The following SCUBE1 variants were observed in gnomAD, a reference collection of about 807,000 sequenced individuals.
The protein encoded by SCUBE1 is signal peptide, CUB domain and EGF like domain containing 1.
A neutral mutation model predicts 124.4 loss-of-function variants in SCUBE1; 59 were observed. The ratio of observed to expected loss-of-function variants is 0.47; its 90% CI spans 0.38 to 0.59. SCUBE1 has a LOEUF of 0.59. Among genes scored for constraint, SCUBE1 ranks in the 20% least tolerant of loss-of-function variants. SCUBE1 has a pLI of 0.00. For missense variants in SCUBE1, 1,150 were observed against 1,371.2 expected, an observed-to-expected ratio of 0.84 and a Z score of 2.55; for synonymous variants, 545 against 550.9, an observed-to-expected ratio of 0.99 and a Z score of 0.15.
In SCUBE1 at chr22:43,198,352, G is replaced by A. The variant is rs1601785054; in HGVS notation, c.*5645C>T. The A allele has an allele frequency of 2.8e-6, 1 of 361,598 alleles. No individual in the cohort carries two copies. The highest frequency in any genetic ancestry group is 7.4e-5 in the East Asian group (1 of 13,532). The allele number at this position is 361,598 out of a possible 1,614,324, so 22.4% of individuals were successfully genotyped here. On this transcript the variant is annotated 3_prime_UTR_variant, in exon 22 of 22. Transcript: ENST00000360835. ...GGCCATCGCAGCAGATGCTGGGAGG[G>A]CACGCAGGCCATGCCTGTGTTGTCT... is the stretch of plus-strand genomic sequence containing the variant.
chr22:43,300,085 A>G (rs556768195), intron 3 of SCUBE1, among the ~76,000 whole-genome samples: 2 of 152,080 alleles, frequency 1.3e-5, no homozygotes, highest in African/African-American at 2.4e-5. Flanking sequence ...GCTGCTGAAC[A>G]CTGTGTGTAA....
intron 3 of SCUBE1, among the ~76,000 whole-genome samples, chr22:43,303,932 C>T (rs1383942139): frequency 6.6e-6 from 1 of 152,224 alleles, no homozygotes; most frequent in South Asian, 2.1e-4. Flanking sequence ...GCCTTCAGTG[C>T]TGTGGCTTGG....
chr22:43,335,301 G>A (rs1927027752), intron 2 of SCUBE1, among the ~76,000 whole-genome samples: 1 of 152,152 alleles, frequency 6.6e-6, no homozygotes, highest in African/African-American at 2.4e-5. Context: ...GGGGGTATGA[G>A]GTATATATGT....
intron 4 of SCUBE1, chr22:43,281,887 C>T (rs1010936293): frequency 6.6e-5 from 10 of 152,584 alleles, no homozygotes; most frequent in African/African-American, 1.4e-4. Flanking sequence ...CTCTGAGTTC[C>T]GCCAGCTTTG....
At chr22:43,226,212 G>C (rs765937780) in intron 10 of SCUBE1, among the ~76,000 whole-genome samples, 6 of 152,244 alleles carry the variant, frequency 3.9e-5, no homozygotes, top group Non-Finnish European at 7.3e-5. Flanking sequence ...AGTGAGGAGA[G>C]AGAGATGGAC....
chr22:43,216,646 G>A (rs1427742407), intron 15 of SCUBE1, among the ~76,000 whole-genome samples: 35 of 151,898 alleles, frequency 2.3e-4, no homozygotes, highest in Admixed American at 2.3e-3. Context: ...GCGAGACTCT[G>A]TCTCAAAAAT....
chr22:43,339,650 C>T lies in SCUBE1; in HGVS notation c.89-415G>A, dbSNP rs1210475696. 1.1e-3 allele frequency among the ~76,000 whole-genome samples: 96 copies of T among 84,958 alleles called. 1 individual carries two copies. Among genetic ancestry groups the T allele is most frequent in the African/African-American group, 4.6e-3 (80 of 17,256 alleles). The allele number at this position is 84,958 out of a possible 152,430, so 55.7% of individuals were successfully genotyped here. The stretch of plus-strand genomic sequence containing the variant: ...CCTTACTCTATCCCCCCACAAGCAT[C>T]ACTCCAGCCCTCCCCCATTCTCCTC... On this transcript the variant is annotated intron_variant, in intron 1 of 21. Transcript: ENST00000360835.
chr22:43,229,036 CG>C (rs749220738), intron 9 of SCUBE1, 35 bp downstream of exon 9: 28 of 1,499,330 alleles, frequency 1.9e-5, no homozygotes, highest in Non-Finnish European at 1.8e-5. Context: ...GCGCGTGCCT[CG>C]GGGGGGAGGT....
chr22:43,217,028 A>C (rs995415501), intron 15 of SCUBE1, among the ~76,000 whole-genome samples: 22 of 12,860 alleles, frequency 1.7e-3, no homozygotes, highest in Non-Finnish European at 1.8e-3. Flanking sequence ...CAGCTTCCCC[A>C]CCCCGCCAGG....
chr22:43,259,015 C>T (rs1217855720), intron 5 of SCUBE1, among the ~76,000 whole-genome samples: 2 of 152,220 alleles, frequency 1.3e-5, no homozygotes, highest in Non-Finnish European at 2.9e-5. Context: ...ATGCCTGTGG[C>T]CTGGAGGATC....
rs530932210 is a variant in SCUBE1 at position 43,269,339 on chromosome 22, T to G, written c.485-6494A>C. On this transcript the variant is annotated intron_variant, in intron 4 of 21. Coordinates refer to ENST00000360835, the MANE Select transcript of SCUBE1 (RefSeq NM_173050.5). ...GTGTGCGCAGAGAGAAACGATGGCA[T>G]GGTCTGCCTGGCCCCGAGCCAGTGC... Among the ~76,000 whole-genome samples the G allele has an allele frequency of 2.6e-5, 4 of 152,256 alleles. No homozygotes were observed. In the South Asian group the frequency reaches 8.3e-4, roughly 32 times the overall value.
chr22:43,236,513 G>T (rs1922768313), intron 7 of SCUBE1, among the ~76,000 whole-genome samples: 1 of 152,194 alleles, frequency 6.6e-6, no homozygotes, highest in South Asian at 2.1e-4. Flanking sequence ...GAAAACCTGG[G>T]TGTGAGCCTC....
At position 43,291,165 on chromosome 22, in the gene SCUBE1, T is replaced by C. The variant is rs115663797; in HGVS notation, c.365A>G (p.Gln122Arg). Residue 122 changes from glutamine (Q) to arginine (R), a missense_variant, in exon 4 of 22, where the codon CAG becomes CGG. By Grantham distance (43) the Gln-to-Arg change is conservative. Transcript: ENST00000360835. ...GHNCLDVDEC[Q>R]DNNGGCQQIC... ...CTGCTGGCAGCCACCATTATTGTCC[T>C]GACACTCGTCCACATCTGTGAGAAA... 312 of 1,611,118 alleles carry C rather than the reference T, an allele frequency of 1.9e-4. 4 individuals are homozygous for C. In the African/African-American group the frequency reaches 3.9e-3, roughly 20 times the overall value.
chr22:43,340,172 TCCACGCCC>T (rs1051207472), intron 1 of SCUBE1, among the ~76,000 whole-genome samples: 15 of 151,916 alleles, frequency 9.9e-5, no homozygotes, highest in African/African-American at 3.6e-4. Flanking sequence ...TCATCTGGCT[TCCACGCCC>T]CCACACCAAA....
At chr22:43,266,739 C>T (rs1437153041) in intron 4 of SCUBE1, among the ~76,000 whole-genome samples, 1 of 152,158 alleles carries the variant, frequency 6.6e-6, no homozygotes, top group Admixed American at 6.5e-5. Context: ...GATTTGGGAA[C>T]CTGGTGCAGA....
chr22:43,342,510 C>A (rs982050295), intron 1 of SCUBE1, among the ~76,000 whole-genome samples: 1 of 151,974 alleles, frequency 6.6e-6, no homozygotes, highest in African/African-American at 2.4e-5. Flanking sequence ...CACCGCCCCC[C>A]CCAACCCCGT....
intron 2 of SCUBE1, among the ~76,000 whole-genome samples, chr22:43,324,032 T>C (rs557634587): frequency 6.6e-6 from 1 of 152,330 alleles, no homozygotes; most frequent in Non-Finnish European, 1.5e-5. Flanking sequence ...GTAATCCAAC[T>C]GGCTATTTTA....
chr22:43,283,126 C>T (rs1569011969), intron 4 of SCUBE1: 1 of 152,338 alleles, frequency 6.6e-6, no homozygotes. Context: ...TGCCCAGGCA[C>T]ATGTAGATTT....
At chr22:43,247,167 A>G (rs1923248637) in intron 6 of SCUBE1, among the ~76,000 whole-genome samples, 1 of 152,166 alleles carries the variant, frequency 6.6e-6, no homozygotes, top group African/African-American at 2.4e-5. Context: ...ATGGCCAGTG[A>G]TGGTGAAGAA....
Sources: gnomAD v4.1 joint callset for allele counts (sites outside exome capture counted in the v4.1 genomes callset) on GRCh38, gnomAD v4.1.1 for gene constraint, MANE v1.5 for transcripts, NCBI Gene and HGNC (gene_info 2026-07-23, HGNC 2026-07-21) for gene names.